Variants in SLC13A3 observed in about 807,000 individuals in gnomAD.
SLC13A3 encodes the protein Na(+)/dicarboxylate cotransporter 3.
SLC13A3 carries 40 observed loss-of-function variants against 59.0 expected under a neutral mutation model. The observed-to-expected ratio is 0.68, with a 90% CI of 0.53 to 0.88. The LOEUF (loss-of-function observed/expected upper bound fraction) is 0.88. SLC13A3 is among the 40% of genes least tolerant of loss of function. The probability of loss-of-function intolerance (pLI) is 0.00; values close to 1 mark genes in which losing one functional copy is unlikely to be tolerated. For missense variants in SLC13A3, 699 were observed against 783.2 expected (o/e 0.89, Z 1.28); for synonymous variants, 317 against 330.3 (o/e 0.96, Z 0.44).
At chr20:46,588,559 C>T (rs995549026) in intron 7 of SLC13A3, among the ~76,000 whole-genome samples, 1 of 151,260 alleles carries the variant, frequency 6.6e-6, no homozygotes, top group East Asian at 1.9e-4. Context: ...AGCATTCATA[C>T]AGAGAGAGAG....
At chr20:46,674,575 G>T (rs1431310976), upstream of SLC13A3, among the ~76,000 whole-genome samples, 1 of 150,570 alleles carries the variant, frequency 6.6e-6, no homozygotes, top group African/African-American at 2.5e-5. Context: ...GGAGACAGTG[G>T]GTAGGTGGGG....
chr20:46,617,531 T>G (rs2122764768), intron 1 of SLC13A3, among the ~76,000 whole-genome samples: 1 of 152,300 alleles, frequency 6.6e-6, no homozygotes, highest in South Asian at 2.1e-4. Flanking sequence ...CTGCCAAATA[T>G]CCCTCAAACA....
chr20:46,668,552 A>G (rs1165896935), intron 1 of SLC13A3, among the ~76,000 whole-genome samples: 5 of 152,252 alleles, frequency 3.3e-5, no homozygotes, highest in African/African-American at 1.2e-4. Flanking sequence ...GAAAGAAGCC[A>G]TCTGCATAAC....
intron 1 of SLC13A3, among the ~76,000 whole-genome samples, chr20:46,641,204 G>A (rs1286914041): frequency 6.6e-6 from 1 of 152,116 alleles, no homozygotes; most frequent in Non-Finnish European, 1.5e-5. Flanking sequence ...CGCAAACCAG[G>A]AAGCAGTCTG....
chr20:46,632,878 T>TAG (rs2062754541), intron 1 of SLC13A3, among the ~76,000 whole-genome samples: 1 of 11,954 alleles, frequency 8.4e-5, no homozygotes, highest in Non-Finnish European at 1.6e-4. Context: ...GATAGATAGA[T>TAG]AGATAGATAG....
At chr20:46,637,181 G>A (rs547391167) in intron 1 of SLC13A3, among the ~76,000 whole-genome samples, 2 of 152,276 alleles carry the variant, frequency 1.3e-5, no homozygotes, top group African/African-American at 4.8e-5. Flanking sequence ...TCCTGGGAGG[G>A]GGCGCAGTTG....
At chr20:46,596,538 G>C (rs6017936) in intron 4 of SLC13A3, among the ~76,000 whole-genome samples, 196 bp from the exon 5 acceptor site, 1 of 152,160 alleles carries the variant, frequency 6.6e-6, no homozygotes, top group East Asian at 1.9e-4. Flanking sequence ...AAGTGTCTCA[G>C]GTGTGGGTAC....
intron 3 of SLC13A3, among the ~76,000 whole-genome samples, chr20:46,607,328 T>C (rs1003849734): frequency 1.3e-5 from 2 of 152,164 alleles, no homozygotes; most frequent in African/African-American, 2.4e-5. Context: ...CTATAGCTCC[T>C]AGGAACTTCC....
intron 1 of SLC13A3, among the ~76,000 whole-genome samples, chr20:46,662,632 T>C (rs916690023): frequency 1.3e-5 from 2 of 152,230 alleles, no homozygotes; most frequent in African/African-American, 4.8e-5. Flanking sequence ...TCTGGATCAT[T>C]CAAGATGAAC....
intron 1 of SLC13A3, among the ~76,000 whole-genome samples, chr20:46,658,540 G>C (rs1489722670): frequency 6.6e-6 from 1 of 152,202 alleles, no homozygotes; most frequent in Non-Finnish European, 1.5e-5. Context: ...TTGAGGTCAG[G>C]TGTGGTGGCT....
At chr20:46,629,797 T>A (rs1342735665) in intron 1 of SLC13A3, among the ~76,000 whole-genome samples, 1 of 152,256 alleles carries the variant, frequency 6.6e-6, no homozygotes, top group East Asian at 1.9e-4. Flanking sequence ...TGAGATTTGT[T>A]GTAGGCAGGC....
At chr20:46,672,976 A>G (rs1010170131), upstream of SLC13A3, among the ~76,000 whole-genome samples, 1 of 152,118 alleles carries the variant, frequency 6.6e-6, no homozygotes, top group Non-Finnish European at 1.5e-5. Flanking sequence ...TTCTTGCCCC[A>G]CAAAATCATG....
chr20:46,650,137 C>T (rs2062938151), intron 1 of SLC13A3, among the ~76,000 whole-genome samples: 2 of 152,152 alleles, frequency 1.3e-5, no homozygotes, highest in South Asian at 4.1e-4. Context: ...AGGTGAAGAA[C>T]CCAAAAGGGA....
chr20:46,671,517 T>TA (rs61678958), upstream of SLC13A3, among the ~76,000 whole-genome samples: 44 of 147,444 alleles, frequency 3.0e-4, no homozygotes, highest in Admixed American at 6.7e-4. Context: ...TAATCCTCAT[T>TA]AAAAAAAAAA....
intron 1 of SLC13A3, among the ~76,000 whole-genome samples, chr20:46,623,921 T>G (rs1373050554): frequency 1.3e-5 from 2 of 152,228 alleles, no homozygotes; most frequent in East Asian, 3.9e-4. Flanking sequence ...ACCCAGGTGG[T>G]CTGACCAGAG....
chr20:46,632,911 A>AGATAGACAGACAGACAGATAGCTCTT (rs1253627891), intron 1 of SLC13A3, among the ~76,000 whole-genome samples: 1 of 55,526 alleles, frequency 1.8e-5, no homozygotes, highest in African/African-American at 6.6e-5. Flanking sequence ...ATAGATAGAT[A>AGATAGACAGACAGACAGATAGCTCTT]TATCTATCTA....
intron 9 of SLC13A3, among the ~76,000 whole-genome samples, chr20:46,578,445 G>A (rs2062100560): frequency 6.6e-6 from 1 of 151,840 alleles, no homozygotes; most frequent in African/African-American, 2.4e-5. Flanking sequence ...GGAGGACAAG[G>A]TGGGCGGGTC....
At chr20:46,678,125 G>C (rs1195781094) in intron 1 of SLC13A3, among the ~76,000 whole-genome samples, 1 of 152,188 alleles carries the variant, frequency 6.6e-6, no homozygotes, top group Non-Finnish European at 1.5e-5. Context: ...GGGAAGTCTA[G>C]AATTTTCCCC....
In SLC13A3 at chr20:46,558,240, G is replaced by A. The variant is rs377379122; in HGVS notation, c.*1782C>T. 2 of 152,168 alleles carry A rather than the reference G, an allele frequency of 1.3e-5. No individual in the cohort carries two copies. Among genetic ancestry groups the A allele is most frequent in the African/African-American group, 4.8e-5 (2 of 41,432 alleles). 9.4% of individuals were successfully genotyped at this position (152,168 alleles called of 1,614,324 possible). A position where few individuals can be genotyped will look rare whatever the true frequency, so the allele number is the denominator to read the frequency against. On this transcript the variant is annotated 3_prime_UTR_variant, in exon 13 of 13. Transcript: ENST00000279027. ...GAGTCGGGGAACCAGACATATACTT[G>A]GGAGAGAGTGTTCTAGGCAGAGGGA...
Sources: gnomAD v4.1 joint callset for allele counts (sites outside exome capture counted in the v4.1 genomes callset) on GRCh38, gnomAD v4.1.1 for gene constraint, MANE v1.5 for transcripts, NCBI Gene and HGNC (gene_info 2026-07-23, HGNC 2026-07-21) for gene names.